Variants in DAO observed in about 807,000 individuals in gnomAD.
DAO encodes the protein D-amino acid oxidase.
A neutral mutation model predicts 50.1 loss-of-function variants in DAO; 51 were observed. That is an observed-to-expected ratio of 1.02 (90% CI 0.81 to 1.29). The LOEUF is 1.29. Ranked by LOEUF, DAO falls within the 50% of genes most tolerant of loss-of-function variation. DAO has a pLI of 0.00. For synonymous variants in DAO, 160 were observed against 166.2 expected (o/e 0.96, Z 0.29); for missense variants, 436 against 439.4 (o/e 0.99, Z 0.07).
At chr12:108,880,587 CAAACTTTTA>C (rs1445940856) in intron 1 of DAO, among the ~76,000 whole-genome samples, 1,761 of 152,134 alleles carry the variant, frequency 0.012, 31 homozygotes, top group African/African-American at 0.041. Context: ...GGCTGGTTCT[CAAACTTTTA>C]TAGCTTCTGT....
chr12:108,900,234 T>C (rs2039606721), intron 10 of DAO, 170 bp from the exon 11 acceptor site: 1 of 725,630 alleles, frequency 1.4e-6, no homozygotes, highest in Admixed American at 2.2e-5. Context: ...CTTGCAACTG[T>C]TCCAGGGGGT....
chr12:108,889,597 C>T (rs554803656), intron 4 of DAO, 52 bp downstream of exon 4: 1 of 1,440,758 alleles, frequency 6.9e-7, no homozygotes, highest in African/African-American at 1.4e-5. Context: ...AGTTAGCAGA[C>T]CTGTCCAGAA....
In DAO at chr12:108,898,813, T is replaced by TA; in HGVS notation, c.813+18dup. On this transcript the variant is annotated intron_variant, in intron 9 of 10. Transcript: ENST00000228476. Reference sequence around the variant, plus strand: ...ACACTGAAGGTAAGGTAGGGAGGAGTAGCAGTGCCCTAAACCAAGGTCGTG... The same window carrying TA: ...ACACTGAAGGTAAGGTAGGGAGGAGTAAGCAGTGCCCTAAACCAAGGTCGTG... 3 of 1,573,170 alleles carry TA rather than the reference T, an allele frequency of 1.9e-6. No individual in the cohort carries two copies. The highest frequency in any genetic ancestry group is 1.7e-4 in the Middle Eastern group (1 of 5,996).
At chr12:108,891,438 A>G (rs570377624) in intron 5 of DAO, among the ~76,000 whole-genome samples, 13 of 142,130 alleles carry the variant, frequency 9.1e-5, no homozygotes, top group Admixed American at 6.0e-4. Context: ...TGACAGGGCG[A>G]GACCCTGTCT....
intron 1 of DAO, among the ~76,000 whole-genome samples, chr12:108,882,870 G>A (rs1368985499): frequency 1.3e-5 from 2 of 152,132 alleles, no homozygotes; most frequent in Non-Finnish European, 2.9e-5. Context: ...TCAAGCGGGC[G>A]GGTGCAGTGG....
At chr12:108,885,378 G>A (rs1473018923) in intron 2 of DAO, among the ~76,000 whole-genome samples, 178 bp downstream of exon 2, 3 of 152,188 alleles carry the variant, frequency 2.0e-5, no homozygotes, top group Non-Finnish European at 2.9e-5. Flanking sequence ...GGAGGTCGAG[G>A]TGGGAGGATC....
At chr12:108,887,625 G>A in intron 3 of DAO, 61 bp downstream of exon 3, 2 of 1,208,550 alleles carry the variant, frequency 1.7e-6, no homozygotes, top group Non-Finnish European at 2.5e-6. Context: ...GTGAGGGTGG[G>A]TGCAGCAGAG....
intron 6 of DAO, among the ~76,000 whole-genome samples, chr12:108,893,547 C>G (rs560271601): frequency 8.7e-4 from 133 of 152,316 alleles, no homozygotes; most frequent in African/African-American, 3.1e-3. Flanking sequence ...AAGGAAGGCG[C>G]TCCGTACATG....
At chr12:108,894,481 G>A (rs577672767) in intron 7 of DAO, 114 bp downstream of exon 7, 12 of 871,218 alleles carry the variant, frequency 1.4e-5, no homozygotes, top group East Asian at 2.7e-5. Context: ...GGAACCCCCC[G>A]GACTGCAGGG....
rs2039476887 is a variant in DAO, at chr12:108,890,238, G to A, written c.417G>A (p.Leu139=). 6.2e-7 allele frequency: 1 copy of A among 1,613,696 alleles called. No individual in the cohort carries two copies. The highest frequency in any genetic ancestry group is 1.3e-5 in the African/African-American group (1 of 74,880). Residue 139 remains leucine (L), a synonymous_variant, in exon 5 of 11, where the codon CTG becomes CTA. Transcript: ENST00000228476. ...GCTGGTTCCACACAAGCCTAATTCT[G>A]GAGGGAAAGAACTATCTACAGTGGC... ...GYGWFHTSLI[L]EGKNYLQWLT...
Position 108,894,333 on chromosome 12 carries a change from C to G in DAO, c.578C>G (p.Pro193Arg). The change falls in exon 7 of 11, where the codon CCC becomes CGC. Residue 193 changes from proline to arginine, a missense_variant. By Grantham distance (103) the Pro-to-Arg change is moderately radical. Coordinates refer to ENST00000228476, the MANE Select transcript of DAO (RefSeq NM_001917.5). ...TGGGCTGGGGCGCTACAACGAGACCCCCTGCTGCAGCCAGGCCGGGGGCAG... is the reference window on the plus strand; with the variant it reads ...TGGGCTGGGGCGCTACAACGAGACCGCCTGCTGCAGCCAGGCCGGGGGCAG... ...GVWAGALQRD[P>R]LLQPGRGQIM... The G allele has an allele frequency of 6.2e-7, 1 of 1,613,962 alleles. No individual in the cohort carries two copies. Among genetic ancestry groups the G allele is most frequent in the Non-Finnish European group, 8.5e-7 (1 of 1,179,946 alleles).
intron 1 of DAO, among the ~76,000 whole-genome samples, chr12:108,880,890 A>AT (rs1470504356): frequency 2.0e-5 from 3 of 151,914 alleles, no homozygotes; most frequent in Non-Finnish European, 4.4e-5. Context: ...CTGCCTAAAT[A>AT]TTTTTTTGGA....
At chr12:108,889,605 G>C (rs2039468972) in intron 4 of DAO, 60 bp downstream of exon 4, 2 of 1,329,810 alleles carry the variant, frequency 1.5e-6, no homozygotes, top group East Asian at 4.8e-5. Context: ...GACCTGTCCA[G>C]AAGGCAGCAG....
rs534741893 is a variant in DAO at position 108,900,794 on chromosome 12, G to A, written c.*259G>A. 9.6e-6 allele frequency: 4 copies of A among 416,974 alleles called. No individual in the cohort carries two copies. The highest frequency in any genetic ancestry group is 8.1e-5 in the African/African-American group (4 of 49,208). The allele number at this position is 416,974 out of a possible 1,614,324, so 25.8% of individuals were successfully genotyped here. ...GAGGCTGTCATTCCATGAGTCTTCAGAAGAAAGGACAGCTCAGAAAATCAA... is the reference window on the plus strand; with the variant it reads ...GAGGCTGTCATTCCATGAGTCTTCAAAAGAAAGGACAGCTCAGAAAATCAA... On this transcript the variant is annotated 3_prime_UTR_variant, in exon 11 of 11. Coordinates refer to ENST00000228476, the MANE Select transcript of DAO (RefSeq NM_001917.5).
At chr12:108,898,636 C>T (rs2039587891) in intron 8 of DAO, 43 bp from the exon 9 acceptor site, 5 of 1,302,190 alleles carry the variant, frequency 3.8e-6, no homozygotes, top group Non-Finnish European at 5.6e-6. Flanking sequence ...CATCTCAGAG[C>T]CTTCATTTTC....
chr12:108,880,955 T>G (rs578224831), intron 1 of DAO, among the ~76,000 whole-genome samples: 17 of 152,288 alleles, frequency 1.1e-4, no homozygotes, highest in Non-Finnish European at 1.9e-4. Flanking sequence ...TGTCCCATAC[T>G]GACTGCGTAA....
chr12:108,896,873 C>T lies in DAO; in HGVS notation c.613-133C>T. 3 of 736,802 alleles carry T rather than the reference C, an allele frequency of 4.1e-6. No individual in the cohort carries two copies. In the South Asian group the frequency reaches 4.4e-5, roughly 11 times the overall value. The allele number at this position is 736,802 out of a possible 1,614,324, so 45.6% of individuals were successfully genotyped here. On this transcript the variant is annotated intron_variant, in intron 7 of 10. Coordinates refer to ENST00000228476, the MANE Select transcript of DAO (RefSeq NM_001917.5). ...GCAAGCAGTCAGGTGCAGACTTGGG[C>T]CATAGTGTCATGAGAGGTCTTATAA...
At position 108,889,492 on chromosome 12, in the gene DAO, T is replaced by A. The variant is rs753209957; in HGVS notation, c.333T>A (p.Val111=). 1.2e-6 allele frequency: 2 copies of A among 1,612,924 alleles called. No homozygotes were observed. The highest frequency in any genetic ancestry group is 1.7e-6 in the Non-Finnish European group (2 of 1,179,300). Residue 111 remains valine (V), a synonymous_variant, in exon 4 of 11, where the codon GTT becomes GTA. Coordinates refer to ENST00000228476, the MANE Select transcript of DAO (RefSeq NM_001917.5). ...AIPDPSWKDT[V]LGFRKLTPRE... is the part of the protein sequence containing the mutation. ...AGGACCCTTCCTGGAAGGACACAGT[T>A]CTGGGATTTCGGAAGCTGACCCCCA...
Position 108,899,481 on chromosome 12 carries a change from C to G in DAO, c.912+6C>G. 1.9e-6 allele frequency: 3 copies of G among 1,611,306 alleles called. No homozygotes were observed. Among genetic ancestry groups the G allele is most frequent in the Non-Finnish European group, 2.5e-6 (3 of 1,178,224 alleles). On this transcript the variant is annotated splice_donor_region_variant and intron_variant, in intron 10 of 10. Transcript: ENST00000228476. ...CTGGACCTTCAAACACAGAGGTATG[C>G]TCCCATGGCAAGGAAAGTAATGCCC...
Sources: gnomAD v4.1 joint callset for allele counts (sites outside exome capture counted in the v4.1 genomes callset) on GRCh38, gnomAD v4.1.1 for gene constraint, MANE v1.5 for transcripts, NCBI Gene and HGNC (gene_info 2026-07-23, HGNC 2026-07-21) for gene names.